NCOA1: variants seen among roughly 807,000 people sequenced by gnomAD.
NCOA1 encodes the protein Hin-2 protein.
Under a neutral mutation model 150.9 loss-of-function variants are expected in NCOA1, and 35 were observed. That is an observed-to-expected ratio of 0.23 (90% CI 0.18 to 0.31). The LOEUF is 0.31. Among genes scored for constraint, NCOA1 ranks in the 10% least tolerant of loss-of-function variants. The pLI is 1.00. For synonymous variants in NCOA1, 590 were observed against 630.0 expected, an observed-to-expected ratio of 0.94 and a Z score of 0.95; for missense variants, 1,491 against 1,749.3, an observed-to-expected ratio of 0.85 and a Z score of 2.63.
intron 1 of NCOA1, among the ~76,000 whole-genome samples, chr2:24,512,390 C>A (rs1249847505): frequency 3.3e-5 from 5 of 152,108 alleles, no homozygotes; most frequent in Non-Finnish European, 7.4e-5. Context: ...GGATCAAAAC[C>A]CACAGTGTTT....
At position 24,644,180 on chromosome 2, in the gene NCOA1, C is replaced by T. The variant is rs190507644; in HGVS notation, c.-18+58C>T. The T allele has an allele frequency of 5.3e-5, 8 of 152,272 alleles. No homozygotes were observed. The East Asian group carries it at 1.5e-3, about 29-fold the overall frequency. 9.4% of individuals were successfully genotyped at this position (152,272 alleles called of 1,614,324 possible). A position where few individuals can be genotyped will look rare whatever the true frequency, so the allele number is the denominator to read the frequency against. ...TGTCTCTGCAAAAGTATGGAAGGAA[C>T]ATGATTACCTGTTGACTGTTATCTT... On this transcript the variant is annotated intron_variant, in intron 4 of 22. Coordinates refer to ENST00000348332, the MANE Select transcript of NCOA1 (RefSeq NM_003743.5).
chr2:24,718,650 G>A (rs944716687), intron 14 of NCOA1, among the ~76,000 whole-genome samples: 3 of 150,840 alleles, frequency 2.0e-5, no homozygotes, highest in Non-Finnish European at 4.4e-5. Flanking sequence ...TGGCCAACAT[G>A]GTGAAACTCC....
chr2:24,525,251 G>C (rs1467438250), intron 1 of NCOA1, among the ~76,000 whole-genome samples: 2 of 152,170 alleles, frequency 1.3e-5, no homozygotes, highest in South Asian at 4.1e-4. Context: ...CTTCAGTGGA[G>C]TCTCATTTTC....
At chr2:24,734,164 C>T (rs1285158530) in intron 17 of NCOA1, among the ~76,000 whole-genome samples, 5 of 140,078 alleles carry the variant, frequency 3.6e-5, no homozygotes, top group South Asian at 2.2e-4. Flanking sequence ...GTGACAAGAG[C>T]GAAACTCCAT....
chr2:24,620,094 A>G (rs539423590), intron 3 of NCOA1, among the ~76,000 whole-genome samples: 67 of 152,270 alleles, frequency 4.4e-4, no homozygotes, highest in African/African-American at 1.6e-3. Context: ...TTTCTGGGTA[A>G]AATTCTTATC....
chr2:24,646,440 C>T (rs1439169682), intron 4 of NCOA1, among the ~76,000 whole-genome samples: 6 of 152,224 alleles, frequency 3.9e-5, no homozygotes, highest in East Asian at 1.9e-4. Flanking sequence ...ATATAGTTCA[C>T]ATTAAAATTT....
chr2:24,693,205 C>T (rs1672750529), intron 9 of NCOA1, 47 bp from the exon 10 acceptor site: 1 of 1,545,016 alleles, frequency 6.5e-7, no homozygotes, highest in Non-Finnish European at 9.0e-7. Flanking sequence ...AGATATAAAC[C>T]ATTTTCTACT....
chr2:24,531,530 A>C (rs1287364535), intron 1 of NCOA1, among the ~76,000 whole-genome samples: 1 of 152,106 alleles, frequency 6.6e-6, no homozygotes, highest in African/African-American at 2.4e-5. Flanking sequence ...ATAGGTATAC[A>C]TGTGCCATGT....
At chr2:24,727,816 A>G (rs1662777912) in intron 15 of NCOA1, among the ~76,000 whole-genome samples, 2 of 152,220 alleles carry the variant, frequency 1.3e-5, no homozygotes, top group African/African-American at 2.4e-5. Flanking sequence ...AATGGTAATC[A>G]TGTCATGTTA....
chr2:24,639,600 G>A (rs1670086396), intron 3 of NCOA1, among the ~76,000 whole-genome samples: 1 of 151,816 alleles, frequency 6.6e-6, no homozygotes, highest in African/African-American at 2.4e-5. Context: ...TATATAAGCA[G>A]AGTATAGGCT....
At chr2:24,724,542 AT>A (rs1392276700) in intron 14 of NCOA1, among the ~76,000 whole-genome samples, 3 of 152,090 alleles carry the variant, frequency 2.0e-5, no homozygotes, top group Non-Finnish European at 4.4e-5. Context: ...TAGTATGGGG[AT>A]TTTTTTGTTT....
Position 24,530,022 on chromosome 2 carries a change from C to T in NCOA1, c.-395-34273C>T, listed in dbSNP as rs534402389. 2.6e-5 allele frequency among the ~76,000 whole-genome samples: 4 copies of T among 152,212 alleles called. 1 individual carries two copies. The South Asian group carries it at 6.2e-4, about 24-fold the overall frequency. On this transcript the variant is annotated intron_variant, in intron 1 of 22. Coordinates refer to ENST00000348332, the MANE Select transcript of NCOA1 (RefSeq NM_003743.5). ...ATTCTCTACTACTTCTTAGAAATAG[C>T]ATTTTATTAAATAGATTCAGATTAA...
chr2:24,655,815 A>C (rs936003685), intron 4 of NCOA1, among the ~76,000 whole-genome samples: 8 of 152,206 alleles, frequency 5.3e-5, no homozygotes, highest in African/African-American at 1.9e-4. Context: ...ATGGCCGGGC[A>C]TGGTGGCTCA....
At chr2:24,643,732 A>G (rs1327583203) in intron 3 of NCOA1, among the ~76,000 whole-genome samples, 3 of 152,174 alleles carry the variant, frequency 2.0e-5, no homozygotes, top group Non-Finnish European at 2.9e-5. Context: ...GATAGATGCA[A>G]TTATGTATTA....
chr2:24,760,798 C>T (rs1664751132), intron 21 of NCOA1, among the ~76,000 whole-genome samples: 1 of 151,978 alleles, frequency 6.6e-6, no homozygotes. Context: ...GATTCATTAC[C>T]ATATAATTTT....
chr2:24,592,498 A>G (rs372527260), intron 3 of NCOA1, among the ~76,000 whole-genome samples: 5 of 152,022 alleles, frequency 3.3e-5, no homozygotes, highest in East Asian at 3.9e-4. Context: ...CCCAGCCATC[A>G]ACCTACTCCT....
intron 4 of NCOA1, among the ~76,000 whole-genome samples, chr2:24,648,463 G>A (rs965187897): frequency 1.3e-5 from 2 of 152,082 alleles, no homozygotes; most frequent in African/African-American, 4.8e-5. Flanking sequence ...AGTAGAGACG[G>A]AGTTTCACCA....
At chr2:24,732,348 T>C (rs549836031) in intron 17 of NCOA1, among the ~76,000 whole-genome samples, 2 of 152,328 alleles carry the variant, frequency 1.3e-5, no homozygotes, top group African/African-American at 2.4e-5. Context: ...GGGCTCACCA[T>C]GTTATAAGCC....
At chr2:24,658,583 CAG>C (rs1032205386) in intron 4 of NCOA1, 76 bp from the exon 5 acceptor site, 5 of 1,020,124 alleles carry the variant, frequency 4.9e-6, no homozygotes, top group South Asian at 4.0e-5. Context: ...AATTTTCTAA[CAG>C]AGGGGAGCTT....
Sources: gnomAD v4.1 joint callset for allele counts (sites outside exome capture counted in the v4.1 genomes callset) on GRCh38, gnomAD v4.1.1 for gene constraint, MANE v1.5 for transcripts, NCBI Gene and HGNC (gene_info 2026-07-23, HGNC 2026-07-21) for gene names.